The following PFKFB2 variants were observed in gnomAD, a reference collection of about 807,000 sequenced individuals.
The protein encoded by PFKFB2 is 6-phosphofructo-2-kinase/fructose-2,6-biphosphatase 2, also known as 6-phosphofructo-2-kinase/fructose-2,6-bisphosphatase 2.
In PFKFB2, 53 loss-of-function variants were observed where a neutral mutation model predicts 68.0. The ratio of observed to expected loss-of-function variants is 0.78; its 90% CI spans 0.63 to 0.98. The LOEUF (loss-of-function observed/expected upper bound fraction) is 0.98. PFKFB2 is among the 50% of genes least tolerant of loss of function. The pLI is 0.00. For missense variants in PFKFB2, 451 were observed against 642.0 expected (o/e 0.70, Z 3.22); for synonymous variants, 222 against 227.6 (o/e 0.98, Z 0.22).
chr1:207,054,788 C>CA lies in PFKFB2; in HGVS notation c.72dup (p.Glu25ArgfsTer27). On this transcript the variant is annotated frameshift_variant, in exon 2 of 15. Coordinates refer to ENST00000367080, the MANE Select transcript of PFKFB2 (RefSeq NM_006212.2). LOFTEE classifies it high-confidence loss of function. ...ACCAAAACCCCAAATCTTCGAATGT[C>CA]AGAGAAGAAATGTTGTGAGTTCTGG... is the stretch of plus-strand genomic sequence containing the variant. 1 of 1,612,566 alleles carries CA rather than the reference C, an allele frequency of 6.2e-7. No individual in the cohort carries two copies. The highest frequency in any genetic ancestry group is 8.5e-7 in the Non-Finnish European group (1 of 1,178,894).
upstream of PFKFB2, among the ~76,000 whole-genome samples, chr1:207,050,342 T>C (rs530312345): frequency 1.4e-4 from 21 of 151,928 alleles, no homozygotes; most frequent in Non-Finnish European, 1.5e-4. Flanking sequence ...ATCGGTGATA[T>C]AGGGAAAAAG....
chr1:207,069,308 C>A, intron 10 of PFKFB2, 116 bp from the exon 11 acceptor site: 1 of 704,522 alleles, frequency 1.4e-6, no homozygotes, highest in Non-Finnish European at 2.5e-6. Context: ...GGACCCAGCA[C>A]AGTGCCTGGC....
chr1:207,068,572 AG>A (rs1683370508), intron 10 of PFKFB2, among the ~76,000 whole-genome samples: 1 of 152,126 alleles, frequency 6.6e-6, no homozygotes, highest in Non-Finnish European at 1.5e-5. Flanking sequence ...TGGGGAAAGT[AG>A]GGCTAACAAG....
At chr1:207,079,192 G>A, downstream of PFKFB2, 1 of 632,758 alleles carries the variant, frequency 1.6e-6, no homozygotes. Context: ...TGCCTAATGG[G>A]AATATCAGTT....
Position 207,053,355 on chromosome 1 carries a change from A to ATCCT in PFKFB2, c.-29_-28insTCCT, listed in dbSNP as rs1306353014. The ATCCT allele has an allele frequency of 6.6e-6, 1 of 152,548 alleles. No individual in the cohort carries two copies. The highest frequency in any genetic ancestry group is 2.4e-5 in the African/African-American group (1 of 41,408). 9.4% of individuals were successfully genotyped at this position (152,548 alleles called of 1,614,324 possible). A position where few individuals can be genotyped will look rare whatever the true frequency, so the allele number is the denominator to read the frequency against. ...GGCCAAGGCAGGGAGGGATCTTAGG[A>ATCCT]GAGATCGTAGGGTGAGCCACAGCTG... On this transcript the variant is annotated 5_prime_UTR_variant, in exon 1 of 15. Transcript: ENST00000367080.
At chr1:207,057,302 C>CAAAAAAAAAAAAAAAAAA (rs748726221) in intron 2 of PFKFB2, among the ~76,000 whole-genome samples, 1 of 40,386 alleles carries the variant, frequency 2.5e-5, no homozygotes. Context: ...AAAAAAACTA[C>CAAAAAAAAAAAAAAAAAA]AAAAAAAAAA....
In PFKFB2 at chr1:207,072,485, A is replaced by G; in HGVS notation, c.*114A>G. 1 of 1,476,398 alleles carries G rather than the reference A, an allele frequency of 6.8e-7. No homozygotes were observed. Among genetic ancestry groups the G allele is most frequent in the Non-Finnish European group, 9.0e-7 (1 of 1,115,582 alleles). 91.5% of individuals were successfully genotyped at this position (1,476,398 alleles called of 1,614,324 possible). ...TCATTAACTTCCTCCCTCTATGCCC[A>G]CCCCTGACACTTCACCATTAATCTT... On this transcript the variant is annotated 3_prime_UTR_variant, in exon 15 of 15. Transcript: ENST00000367080.
At chr1:207,050,866 G>T (rs747180418), upstream of PFKFB2, 2 of 1,611,648 alleles carry the variant, frequency 1.2e-6, no homozygotes, top group Non-Finnish European at 1.7e-6. Context: ...CATGGGTGCC[G>T]TCCTTGGCCT....
Position 207,076,871 on chromosome 1 carries a change from T to C in PFKFB2, c.*4500T>C, listed in dbSNP as rs12087244. 618 of 985,190 alleles carry C rather than the reference T, an allele frequency of 6.3e-4. 3 individuals are homozygous for C. The African/African-American group carries it at 0.01, about 16-fold the overall frequency. 61.0% of individuals were successfully genotyped at this position (985,190 alleles called of 1,614,324 possible). On this transcript the variant is annotated 3_prime_UTR_variant, in exon 15 of 15. Coordinates refer to ENST00000367080, the MANE Select transcript of PFKFB2 (RefSeq NM_006212.2). ...AGCTGACAGTCTGCCTGCTTTCTGA[T>C]TGTATCCATTGAAGTGTATGTACAT...
At chr1:207,061,165 TTATATA>T (rs201702529) in intron 2 of PFKFB2, among the ~76,000 whole-genome samples, 915 of 45,104 alleles carry the variant, frequency 0.02, 60 homozygotes, top group African/African-American at 0.074. Context: ...ATATATATCT[TTATATA>T]TATATATATA....
chr1:207,060,152 C>G (rs868227383), intron 2 of PFKFB2, among the ~76,000 whole-genome samples: 1 of 152,170 alleles, frequency 6.6e-6, no homozygotes, highest in Non-Finnish European at 1.5e-5. Context: ...GAGCCAGCCC[C>G]TGTGAGCAAA....
At chr1:207,043,641 T>A (rs939054522) in intron 2 of PFKFB2, among the ~76,000 whole-genome samples, 28 of 152,124 alleles carry the variant, frequency 1.8e-4, no homozygotes, top group Non-Finnish European at 3.5e-4. Context: ...TAGAAAAAAA[T>A]TTAGTCAATG....
upstream of PFKFB2, among the ~76,000 whole-genome samples, chr1:207,051,258 GGAA>G (rs1295697802): frequency 6.6e-6 from 1 of 152,206 alleles, no homozygotes; most frequent in South Asian, 2.1e-4. Flanking sequence ...AGAGGGCGGG[GGAA>G]GGAGTTCCTG....
chr1:207,074,795 A>T lies in PFKFB2; in HGVS notation c.*2424A>T. On this transcript the variant is annotated 3_prime_UTR_variant, in exon 15 of 15. Transcript: ENST00000367080. ...GACATGTAATTTATAACAAATGGAC[A>T]TTTGCAATATAGCAACAGTCTGAGT... is the stretch of plus-strand genomic sequence containing the variant. 1 of 985,470 alleles carries T rather than the reference A, an allele frequency of 1.0e-6. No homozygotes were observed. Among genetic ancestry groups the T allele is most frequent in the Non-Finnish European group, 1.2e-6 (1 of 829,940 alleles). The allele number at this position is 985,470 out of a possible 1,614,324, so 61.0% of individuals were successfully genotyped here.
In PFKFB2 at chr1:207,068,233, T is replaced by C. The variant is rs758392466; in HGVS notation, c.911T>C (p.Leu304Ser). ...ITDLKVWTSQ[L>S]KRTIQTAESL... ...GACCTCAAAGTGTGGACAAGCCAGTTGAAGAGGACCATACAGACTGCTGAA... is the reference window on the plus strand; with the variant it reads ...GACCTCAAAGTGTGGACAAGCCAGTCGAAGAGGACCATACAGACTGCTGAA... Residue 304 changes from leucine to serine, a missense_variant, in exon 10 of 15, where the codon TTG (leucine) becomes TCG (serine). Leu to Ser is a moderately radical substitution (Grantham distance 145). Transcript: ENST00000367080. The C allele has an allele frequency of 6.2e-6, 10 of 1,613,366 alleles. No individual in the cohort carries two copies. The highest frequency in any genetic ancestry group is 2.2e-5 in the South Asian group (2 of 90,994).
intron 1 of PFKFB2, among the ~76,000 whole-genome samples, chr1:207,034,787 G>T (rs772310982): frequency 6.6e-6 from 1 of 152,068 alleles, no homozygotes; most frequent in African/African-American, 2.4e-5. Context: ...CATCACAGTC[G>T]AAGTTACTTA....
upstream of PFKFB2, chr1:207,049,076 C>T: frequency 6.2e-7 from 1 of 1,613,992 alleles, no homozygotes; most frequent in East Asian, 2.2e-5. Flanking sequence ...CTTGCTTCTG[C>T]TTGTCCAGTT....
rs1173548043 is a variant in PFKFB2, at chr1:207,076,360, A to G, written c.*3989A>G. 3.0e-6 allele frequency: 3 copies of G among 984,362 alleles called. No homozygotes were observed. The highest frequency in any genetic ancestry group is 1.8e-5 in the African/African-American group (1 of 56,884). The allele number at this position is 984,362 out of a possible 1,614,324, so 61.0% of individuals were successfully genotyped here. A position where few individuals can be genotyped will look rare whatever the true frequency, so the allele number is the denominator to read the frequency against. ...AGTATCCAGTAATCAGAAGAATTGT[A>G]TCTGGGTTATGTAATCTTATGCACA... is the stretch of plus-strand genomic sequence containing the variant. On this transcript the variant is annotated 3_prime_UTR_variant, in exon 15 of 15. Coordinates refer to ENST00000367080, the MANE Select transcript of PFKFB2 (RefSeq NM_006212.2).
chr1:207,071,262 C>T lies in PFKFB2; in HGVS notation c.1285+12C>T, dbSNP rs756280922. ...TCCTGTGGCCTATGGTAACTATGCACATAGGGGCTGGCAGGAGCTGGGAAT... is the reference window on the plus strand; with the variant it reads ...TCCTGTGGCCTATGGTAACTATGCATATAGGGGCTGGCAGGAGCTGGGAAT... On this transcript the variant is annotated intron_variant, in intron 13 of 14. Transcript: ENST00000367080. The T allele has an allele frequency of 1.4e-5, 22 of 1,606,448 alleles. No individual in the cohort carries two copies. Among genetic ancestry groups the T allele is most frequent in the Non-Finnish European group, 1.9e-5 (22 of 1,173,232 alleles).
Sources: gnomAD v4.1 joint callset for allele counts (sites outside exome capture counted in the v4.1 genomes callset) on GRCh38, gnomAD v4.1.1 for gene constraint, MANE v1.5 for transcripts, NCBI Gene and HGNC (gene_info 2026-07-23, HGNC 2026-07-21) for gene names.